THSD4: variants seen among roughly 807,000 people sequenced by gnomAD.
THSD4 encodes thrombospondin type 1 domain containing 4.
THSD4 carries 69 observed loss-of-function variants against 119.0 expected under a neutral mutation model. That is an observed-to-expected ratio of 0.58 (90% CI 0.48 to 0.71). The LOEUF is 0.71. Among genes scored for constraint, THSD4 ranks in the 30% least tolerant of loss-of-function variants. THSD4 has a pLI of 0.00. For missense variants in THSD4, 1,393 were observed against 1,391.1 expected (o/e 1.00, Z -0.02); for synonymous variants, 524 against 540.4 (o/e 0.97, Z 0.42).
chr15:71,557,376 A>G (rs544153343), intron 7 of THSD4, among the ~76,000 whole-genome samples: 10 of 152,288 alleles, frequency 6.6e-5, no homozygotes, highest in East Asian at 3.9e-4. Context: ...ATTTTATAAC[A>G]TGACTATTTT....
intron 6 of THSD4, among the ~76,000 whole-genome samples, chr15:71,392,899 G>A (rs1436186911): frequency 1.3e-5 from 2 of 152,236 alleles, no homozygotes; most frequent in South Asian, 2.1e-4. Flanking sequence ...GTTCTGGCAC[G>A]ATGAGCTCAT....
chr15:71,115,314 A>G (rs1184017209), upstream of THSD4: 1 of 152,382 alleles, frequency 6.6e-6, no homozygotes, highest in Non-Finnish European at 1.5e-5. This position sits in a 1 kb window ranked among gnomAD's most constrained non-coding sequence, Gnocchi z 4.4. Context: ...CCCAGGGACC[A>G]TCCCGTTGTT....
intron 6 of THSD4, among the ~76,000 whole-genome samples, chr15:71,405,966 A>G (rs1049191380): frequency 2.0e-5 from 3 of 152,156 alleles, no homozygotes; most frequent in Non-Finnish European, 2.9e-5. Flanking sequence ...TAGAAATACA[A>G]TTAAGAGGTA....
chr15:71,127,798 A>T (rs2040468169), intron 1 of THSD4, among the ~76,000 whole-genome samples: 1 of 152,096 alleles, frequency 6.6e-6, no homozygotes, highest in South Asian at 2.1e-4. Flanking sequence ...TGAGTTCCTT[A>T]TATATTTTGG....
intron 6 of THSD4, among the ~76,000 whole-genome samples, chr15:71,310,147 C>G (rs2045091803): frequency 1.1e-5 from 1 of 90,382 alleles, no homozygotes; most frequent in Non-Finnish European, 2.5e-5. Context: ...AGTACTTCTG[C>G]TATTATGATT....
At chr15:71,535,477 G>C (rs1325380616) in intron 7 of THSD4, among the ~76,000 whole-genome samples, 2 of 152,090 alleles carry the variant, frequency 1.3e-5, no homozygotes, top group African/African-American at 4.8e-5. Context: ...TTTCTCTTAG[G>C]TATATATCTA....
intron 4 of THSD4, among the ~76,000 whole-genome samples, chr15:71,241,076 AT>A (rs1198493668): frequency 6.6e-6 from 1 of 152,150 alleles, no homozygotes; most frequent in African/African-American, 2.4e-5. Flanking sequence ...TGAAGAAAGA[AT>A]TTTCTCATGA....
At chr15:71,389,395 G>T (rs2140465060) in intron 6 of THSD4, among the ~76,000 whole-genome samples, 1 of 151,762 alleles carries the variant, frequency 6.6e-6, no homozygotes, top group Non-Finnish European at 1.5e-5. Context: ...GTCATTGTGT[G>T]ACTGGCTTAT....
At chr15:71,174,172 G>A (rs979078410) in intron 3 of THSD4, among the ~76,000 whole-genome samples, 3 of 152,068 alleles carry the variant, frequency 2.0e-5, no homozygotes, top group African/African-American at 7.2e-5. Context: ...GAACAGCTCC[G>A]GTCTACAGCT....
intron 7 of THSD4, among the ~76,000 whole-genome samples, chr15:71,649,163 C>T (rs974631971): frequency 3.3e-5 from 5 of 152,168 alleles, no homozygotes; most frequent in African/African-American, 9.7e-5. Context: ...GGCTCTTCTC[C>T]ACCATCTCCT....
intron 3 of THSD4, among the ~76,000 whole-genome samples, chr15:71,160,690 C>G (rs2043241441): frequency 6.6e-6 from 1 of 151,030 alleles, no homozygotes; most frequent in Non-Finnish European, 1.5e-5. Context: ...AGTCTTTTCT[C>G]TTTTTTTTCT....
At chr15:71,675,230 T>G (rs1333222555) in intron 8 of THSD4, among the ~76,000 whole-genome samples, 1 of 152,192 alleles carries the variant, frequency 6.6e-6, no homozygotes, top group Non-Finnish European at 1.5e-5. Flanking sequence ...TTGGAGTCCT[T>G]TCTTGCTTTC....
intron 7 of THSD4, among the ~76,000 whole-genome samples, chr15:71,511,116 G>T (rs2048277082): frequency 6.6e-6 from 1 of 152,146 alleles, no homozygotes. Flanking sequence ...TCTGTCTTCA[G>T]CAGAGCCAAT....
At chr15:71,498,499 T>C (rs921225111) in intron 7 of THSD4, among the ~76,000 whole-genome samples, 1 of 152,172 alleles carries the variant, frequency 6.6e-6, no homozygotes, top group Non-Finnish European at 1.5e-5. Context: ...TGGCTGCCTC[T>C]CCTAATATTC....
In THSD4 at chr15:71,710,457, C is replaced by A. The variant is rs147514023; in HGVS notation, c.1358-18092C>A. 3.3e-5 allele frequency among the ~76,000 whole-genome samples: 5 copies of A among 152,286 alleles called. No homozygotes were observed. In the East Asian group the frequency reaches 9.6e-4, roughly 29 times the overall value. On this transcript the variant is annotated intron_variant, in intron 8 of 17. Transcript: ENST00000261862. ...AATGGAGGAGGGCCAAGATAAATGA[C>A]CATGGACCTAATCTGTTTATTAGTT... is the stretch of plus-strand genomic sequence containing the variant.
chr15:71,771,650 C>T (rs2053826017), intron 17 of THSD4, among the ~76,000 whole-genome samples: 1 of 152,124 alleles, frequency 6.6e-6, no homozygotes, highest in Non-Finnish European at 1.5e-5. Flanking sequence ...GACCATCTCT[C>T]AGAGGGGCGT....
At chr15:71,359,690 G>T (rs2140417888) in intron 6 of THSD4, among the ~76,000 whole-genome samples, 1 of 152,312 alleles carries the variant, frequency 6.6e-6, no homozygotes, top group African/African-American at 2.4e-5. Context: ...TGCACCTGTA[G>T]TCTCAGCTAC....
At chr15:71,390,847 A>ATT (rs1596393479) in intron 6 of THSD4, among the ~76,000 whole-genome samples, 16 of 136,862 alleles carry the variant, frequency 1.2e-4, no homozygotes, top group African/African-American at 3.1e-4. Context: ...GATTGGCTAA[A>ATT]TCTTTTTTTT....
chr15:71,624,266 G>C (rs1346057954), intron 7 of THSD4, among the ~76,000 whole-genome samples: 1 of 152,232 alleles, frequency 6.6e-6, no homozygotes, highest in Non-Finnish European at 1.5e-5. Context: ...CTTGAGCAAA[G>C]CAGTCCTATG....
Sources: allele counts gnomAD v4.1 joint callset (sites outside exome capture counted in the v4.1 genomes callset), GRCh38; gene constraint gnomAD v4.1.1; non-coding constraint Gnocchi (gnomAD v3.1); transcripts MANE v1.5; gene names NCBI Gene and HGNC (gene_info 2026-07-23, HGNC 2026-07-21).